The following CACNA1D variants were observed in gnomAD, a reference collection of about 807,000 sequenced individuals.
CACNA1D encodes calcium voltage-gated channel subunit alpha1 D, also known as voltage-dependent L-type calcium channel subunit alpha-1D.
In CACNA1D, 55 loss-of-function variants were observed where a neutral mutation model predicts 257.1. The observed-to-expected ratio is 0.21, with a 90% confidence interval of 0.17 to 0.27. CACNA1D has a LOEUF of 0.27. CACNA1D is among the 10% of genes least tolerant of loss of function. CACNA1D has a pLI of 1.00. For missense variants in CACNA1D, 1,876 were observed against 2,784.0 expected (o/e 0.67, Z 7.34); for synonymous variants, 980 against 1,014.9 (o/e 0.97, Z 0.65).
intron 7 of CACNA1D, among the ~76,000 whole-genome samples, chr3:53,667,142 A>G (rs2094274042): frequency 6.6e-6 from 1 of 152,206 alleles, no homozygotes; most frequent in Admixed American, 6.5e-5. Context: ...GACCTCTGGC[A>G]GAAAGGGTAG....
At chr3:53,612,371 G>A (rs1451103429) in intron 3 of CACNA1D, among the ~76,000 whole-genome samples, 2 of 152,188 alleles carry the variant, frequency 1.3e-5, no homozygotes, top group Non-Finnish European at 2.9e-5. Context: ...GTTGCTCATA[G>A]TGATCCTTTC....
At chr3:53,648,772 G>A (rs1220880481) in intron 3 of CACNA1D, among the ~76,000 whole-genome samples, 1 of 151,910 alleles carries the variant, frequency 6.6e-6, no homozygotes, top group East Asian at 1.9e-4. Flanking sequence ...AGAGGTTGGA[G>A]ATGAGCTAGG....
intron 3 of CACNA1D, among the ~76,000 whole-genome samples, chr3:53,590,534 T>C (rs1438375938): frequency 6.6e-6 from 1 of 152,212 alleles, no homozygotes; most frequent in Non-Finnish European, 1.5e-5. Context: ...GCCCAGACTG[T>C]CTCCTATAGT....
chr3:53,545,436 G>A (rs974665493), intron 3 of CACNA1D, among the ~76,000 whole-genome samples: 3 of 152,188 alleles, frequency 2.0e-5, no homozygotes, highest in Admixed American at 1.3e-4. Flanking sequence ...GATGTACCTC[G>A]ATTGGGCTTT....
In CACNA1D at chr3:53,497,462, G is replaced by A. The variant is rs757227559; in HGVS notation, c.377+1G>A. ...CCTGCATTAGTATAGTGGAATGGAA[G>A]TATCCTTTTTTTGGGGGAAGTCTTT... On this transcript the variant is annotated splice_donor_variant, in intron 2 of 47. Coordinates refer to ENST00000350061, the MANE Select transcript of CACNA1D (RefSeq NM_001128840.3). LOFTEE classifies it high-confidence loss of function. 5 of 1,613,710 alleles carry A rather than the reference G, an allele frequency of 3.1e-6. No individual in the cohort carries two copies. In the African/African-American group the frequency reaches 5.3e-5, roughly 17 times the overall value.
At chr3:53,592,290 G>A (rs143389842) in intron 3 of CACNA1D, among the ~76,000 whole-genome samples, 1 of 152,348 alleles carries the variant, frequency 6.6e-6, no homozygotes, top group East Asian at 1.9e-4. Flanking sequence ...AAGGGAGCAA[G>A]CTGTGAGGAT....
intron 17 of CACNA1D, among the ~76,000 whole-genome samples, chr3:53,731,481 G>A (rs529563894): frequency 2.7e-4 from 41 of 152,298 alleles, no homozygotes; most frequent in African/African-American, 8.7e-4. Context: ...TGAAAATCGC[G>A]GATTTTTAAT....
At chr3:53,567,416 A>T (rs148567019) in intron 3 of CACNA1D, among the ~76,000 whole-genome samples, 1 of 152,148 alleles carries the variant, frequency 6.6e-6, no homozygotes, top group Non-Finnish European at 1.5e-5. Context: ...CCCATTCCCT[A>T]CTTGGGGTAT....
At chr3:53,510,468 AC>A (rs1170720289) in intron 3 of CACNA1D, among the ~76,000 whole-genome samples, 1 of 152,246 alleles carries the variant, frequency 6.6e-6, no homozygotes, top group African/African-American at 2.4e-5. Flanking sequence ...TTTGTGATGA[AC>A]ATTTAGGGTA....
At chr3:53,524,302 A>C (rs1197773247) in intron 3 of CACNA1D, among the ~76,000 whole-genome samples, 1 of 152,238 alleles carries the variant, frequency 6.6e-6, no homozygotes, top group African/African-American at 2.4e-5. Context: ...CAAGCACAGA[A>C]TTGTGGAAGG....
chr3:53,662,957 C>T (rs1035499409), intron 5 of CACNA1D, among the ~76,000 whole-genome samples: 4 of 152,170 alleles, frequency 2.6e-5, no homozygotes, highest in African/African-American at 7.2e-5. Context: ...GGGATTGGAA[C>T]GGGTGTCGTC....
At chr3:53,648,803 A>G (rs904137274) in intron 3 of CACNA1D, among the ~76,000 whole-genome samples, 2 of 150,410 alleles carry the variant, frequency 1.3e-5, no homozygotes, top group Non-Finnish European at 2.9e-5. Flanking sequence ...TAAATTATAA[A>G]CACACTGATG....
rs772603319 is a variant in CACNA1D at position 53,650,964 on chromosome 3, G to A, written c.623+46G>A. On this transcript the variant is annotated intron_variant, in intron 4 of 47. Coordinates refer to ENST00000350061, the MANE Select transcript of CACNA1D (RefSeq NM_001128840.3). ...GGAAATGTTGATTTGGAAAATGGGA[G>A]GTGGAGGTTGGGGGGGGTGGTGGTA... is the stretch of plus-strand genomic sequence containing the variant. 4 of 1,548,242 alleles carry A rather than the reference G, an allele frequency of 2.6e-6. No individual in the cohort carries two copies. The South Asian group carries it at 4.5e-5, about 17-fold the overall frequency.
chr3:53,608,713 T>C (rs2093545059), intron 3 of CACNA1D, among the ~76,000 whole-genome samples: 1 of 152,258 alleles, frequency 6.6e-6, no homozygotes, highest in African/African-American at 2.4e-5. Flanking sequence ...AACACTCTTT[T>C]AACGTATCTA....
chr3:53,602,251 C>A (rs932428726), intron 3 of CACNA1D, among the ~76,000 whole-genome samples: 4 of 152,160 alleles, frequency 2.6e-5, no homozygotes, highest in Non-Finnish European at 5.9e-5. Flanking sequence ...AACATAATGA[C>A]CCTGGTTCCA....
At chr3:53,605,186 G>A (rs1372142843) in intron 3 of CACNA1D, among the ~76,000 whole-genome samples, 6 of 152,198 alleles carry the variant, frequency 3.9e-5, no homozygotes, top group Non-Finnish European at 8.8e-5. Flanking sequence ...TGAGAACCGC[G>A]ACTGTGGGTA....
Position 53,723,918 on chromosome 3 carries a change from C to T in CACNA1D, c.2019C>T (p.Gly673=), listed in dbSNP as rs562114124. The T allele has an allele frequency of 1.2e-5, 20 of 1,614,108 alleles. No individual in the cohort carries two copies. Among genetic ancestry groups the T allele is most frequent in the East Asian group, 6.7e-5 (3 of 44,890 alleles). Residue 673 remains glycine (G), a synonymous_variant, in exon 14 of 48, where the codon GGC becomes GGT. Transcript: ENST00000350061. This position sits in a 1 kb window ranked among gnomAD's most constrained non-coding sequence, Gnocchi z 5.6. ...IFSLLGMQLF[G]GKFNFDETQT... is the part of the protein sequence containing the mutation. ...CCTTGCTTGGGATGCAGCTGTTTGG[C>T]GGCAAGTTTAATTTTGATGAAACGC...
intron 3 of CACNA1D, among the ~76,000 whole-genome samples, chr3:53,617,689 G>A (rs1420737279): frequency 6.6e-6 from 1 of 152,114 alleles, no homozygotes; most frequent in Non-Finnish European, 1.5e-5. Flanking sequence ...GACTATGGGT[G>A]GTCAACTAAC....
Position 53,751,722 on chromosome 3 carries a change from C to G in CACNA1D, c.3517-27C>G, listed in dbSNP as rs751443663. ...CCTTCCCTGCAAGTGCTCAGAACCC[C>G]GTTTCTGCCCTTTTCTGCTGTTGCA... is the stretch of plus-strand genomic sequence containing the variant. On this transcript the variant is annotated intron_variant, in intron 27 of 47. Transcript: ENST00000350061. This position sits in a 1 kb window ranked among gnomAD's most constrained non-coding sequence, Gnocchi z 4.3. The G allele has an allele frequency of 3.7e-6, 6 of 1,613,868 alleles. No individual in the cohort carries two copies. The highest frequency in any genetic ancestry group is 5.1e-6 in the Non-Finnish European group (6 of 1,179,794).
Sources: gnomAD v4.1 joint callset for allele counts (sites outside exome capture counted in the v4.1 genomes callset) on GRCh38, gnomAD v4.1.1 for gene constraint, Gnocchi (gnomAD v3.1) non-coding constraint, MANE v1.5 for transcripts, NCBI Gene and HGNC (gene_info 2026-07-23, HGNC 2026-07-21) for gene names.